TENM4: variants seen among roughly 807,000 people sequenced by gnomAD.
TENM4 encodes the protein teneurin transmembrane protein 4, also known as teneurin-4.
Under a neutral mutation model 243.3 loss-of-function variants are expected in TENM4, and 82 were observed. That is an observed-to-expected ratio of 0.34 (90% confidence interval 0.28 to 0.40). The LOEUF is 0.40. Among genes scored for constraint, TENM4 ranks in the 10% least tolerant of loss-of-function variants. The probability of loss-of-function intolerance (pLI) is 1.00; values close to 1 mark genes in which losing one functional copy is unlikely to be tolerated. For synonymous variants in TENM4, 1,412 were observed against 1,456.3 expected (o/e 0.97, Z 0.69); for missense variants, 3,138 against 3,673.3 (o/e 0.85, Z 3.77).
chr11:78,835,423 T>C (rs1858081183), intron 12 of TENM4, among the ~76,000 whole-genome samples: 1 of 152,102 alleles, frequency 6.6e-6, no homozygotes. Context: ...GGAGAATCAC[T>C]TGAACTGGGG....
At chr11:79,100,538 T>G (rs1384457467) in intron 4 of TENM4, among the ~76,000 whole-genome samples, 1 of 152,198 alleles carries the variant, frequency 6.6e-6, no homozygotes, top group Non-Finnish European at 1.5e-5. Context: ...AGGCCTGCCC[T>G]CGATGGTAAA....
intron 6 of TENM4, among the ~76,000 whole-genome samples, chr11:79,009,443 G>A (rs1447250200): frequency 6.6e-6 from 1 of 152,148 alleles, no homozygotes; most frequent in Non-Finnish European, 1.5e-5. Context: ...GACCCTTTAT[G>A]AGCTTGCAGC....
At chr11:79,414,185 C>T (rs1858765062) in intron 1 of TENM4, among the ~76,000 whole-genome samples, 2 of 151,550 alleles carry the variant, frequency 1.3e-5, no homozygotes, top group Admixed American at 1.3e-4. Context: ...CACACACACG[C>T]ACACAAACAT....
chr11:78,983,621 G>T (rs576251426), intron 6 of TENM4, among the ~76,000 whole-genome samples: 1 of 152,360 alleles, frequency 6.6e-6, no homozygotes, highest in African/African-American at 2.4e-5. Context: ...CTGAAGGCAG[G>T]GAGAGGCCTT....
chr11:79,061,456 C>T lies in TENM4; in HGVS notation c.493+3282G>A, dbSNP rs75082766. On this transcript the variant is annotated intron_variant, in intron 6 of 33. Coordinates refer to ENST00000278550, the MANE Select transcript of TENM4 (RefSeq NM_001098816.3). ...GTTCTGTGGCCAGTGGGGAAATGGA[C>T]GATCACAAAGAAATGACAACATGGC... is the stretch of plus-strand genomic sequence containing the variant. 2.0e-4 allele frequency among the ~76,000 whole-genome samples: 31 copies of T among 152,234 alleles called. 1 individual carries two copies. The East Asian group carries it at 5.0e-3, about 25-fold the overall frequency.
intron 6 of TENM4, among the ~76,000 whole-genome samples, chr11:78,958,070 C>T (rs1422399636): frequency 6.6e-6 from 1 of 152,222 alleles, no homozygotes; most frequent in African/African-American, 2.4e-5. Flanking sequence ...GGGCAAGTCA[C>T]TGCCCCTTAT....
intron 32 of TENM4, among the ~76,000 whole-genome samples, chr11:78,666,985 T>C (rs574916362): frequency 6.6e-5 from 10 of 152,138 alleles, no homozygotes; most frequent in Non-Finnish European, 1.2e-4. Flanking sequence ...TATTGCACCA[T>C]GTTTTTTTTC....
intron 1 of TENM4, among the ~76,000 whole-genome samples, chr11:79,367,858 T>C (rs1164317933): frequency 6.6e-6 from 1 of 152,218 alleles, no homozygotes; most frequent in Non-Finnish European, 1.5e-5. Context: ...TATTGATCTT[T>C]CTTTTGGCAG....
chr11:79,278,816 G>T (rs1856104950), intron 2 of TENM4, among the ~76,000 whole-genome samples: 2 of 152,154 alleles, frequency 1.3e-5, no homozygotes, highest in African/African-American at 4.8e-5. Context: ...GGACAGACAA[G>T]CGCAATGACA....
intron 19 of TENM4, among the ~76,000 whole-genome samples, chr11:78,745,869 A>G (rs554710344): frequency 2.6e-5 from 4 of 152,192 alleles, no homozygotes; most frequent in Non-Finnish European, 4.4e-5. Flanking sequence ...TTCAATCTTT[A>G]TAACTTATTT....
At chr11:78,684,676 A>C (rs747153793) in intron 29 of TENM4, among the ~76,000 whole-genome samples, 1 of 152,214 alleles carries the variant, frequency 6.6e-6, no homozygotes, top group Non-Finnish European at 1.5e-5. Context: ...CAAACACCCA[A>C]TTAGGTGTGT....
At chr11:78,856,373 C>T (rs1231231216) in intron 10 of TENM4, among the ~76,000 whole-genome samples, 195 bp from the exon 11 acceptor site, 1 of 152,072 alleles carries the variant, frequency 6.6e-6, no homozygotes, top group Non-Finnish European at 1.5e-5. Flanking sequence ...TTTTTCCCCC[C>T]AGCGATGCTC....
intron 2 of TENM4, among the ~76,000 whole-genome samples, chr11:79,227,504 ACT>A (rs1246694637): frequency 2.0e-5 from 3 of 151,936 alleles, no homozygotes; most frequent in Non-Finnish European, 4.4e-5. Flanking sequence ...ATATGCAAAG[ACT>A]CTCAGTGCTT....
intron 1 of TENM4, among the ~76,000 whole-genome samples, chr11:79,343,127 G>C (rs1857268852): frequency 1.3e-5 from 2 of 152,204 alleles, no homozygotes; most frequent in Admixed American, 1.3e-4. Context: ...GATAGCTTGG[G>C]CACAAGGGGA....
chr11:79,069,923 G>C lies in TENM4; in HGVS notation c.22C>G (p.Pro8Ala). The part of the protein sequence containing the change: MDVKERK[P>A]YRSLTRRRDA... ...CGGCGCCGGGTCAGCGAGCGGTAAG[G>C]CTTCCTCTCCTTCACGTCCATGGCC... The change falls in exon 5 of 34, where the codon CCT becomes GCT. Residue 8 changes from proline (P) to alanine (A), a missense_variant. Physicochemically the swap from Pro to Ala is conservative, Grantham distance 27 (BLOSUM62 -1). This residue lies in a region of TENM4 where 671 missense variants were observed against 614.1 expected (regional missense o/e 1.09). Coordinates refer to ENST00000278550, the MANE Select transcript of TENM4 (RefSeq NM_001098816.3). 1.3e-6 allele frequency: 2 copies of C among 1,546,742 alleles called. No individual in the cohort carries two copies. The highest frequency in any genetic ancestry group is 1.7e-6 in the Non-Finnish European group (2 of 1,146,574).
intron 2 of TENM4, among the ~76,000 whole-genome samples, chr11:79,254,329 G>A (rs1009490190): frequency 6.6e-6 from 1 of 152,190 alleles, no homozygotes; most frequent in Non-Finnish European, 1.5e-5. Context: ...CAGTTAACAA[G>A]AGTAATTAGT....
chr11:78,846,863 T>C (rs1858406588), intron 12 of TENM4, among the ~76,000 whole-genome samples: 1 of 152,204 alleles, frequency 6.6e-6, no homozygotes, highest in Non-Finnish European at 1.5e-5. Flanking sequence ...CTACCCCATA[T>C]TCATTTCCCT....
At chr11:78,690,764 T>A (rs1217210589) in intron 28 of TENM4, among the ~76,000 whole-genome samples, 1 of 152,208 alleles carries the variant, frequency 6.6e-6, no homozygotes, top group Non-Finnish European at 1.5e-5. Flanking sequence ...TCCGGTCAGA[T>A]CCTGAGTCAT....
At chr11:79,272,520 G>A (rs1394371141) in intron 2 of TENM4, among the ~76,000 whole-genome samples, 2 of 152,094 alleles carry the variant, frequency 1.3e-5, no homozygotes, top group African/African-American at 4.8e-5. Context: ...GGCACATCTC[G>A]TATTATATCT....
Sources: gnomAD v4.1 joint callset for allele counts (sites outside exome capture counted in the v4.1 genomes callset) on GRCh38, gnomAD v4.1.1 for gene constraint, gnomAD v4.1.1 regional missense constraint, MANE v1.5 for transcripts, NCBI Gene and HGNC (gene_info 2026-07-23, HGNC 2026-07-21) for gene names.